The following LRP1B variants were observed in gnomAD, a reference collection of about 807,000 sequenced individuals.
LRP1B encodes the protein low-density lipoprotein receptor-related protein 1B.
A neutral mutation model predicts 556.6 loss-of-function variants in LRP1B; 217 were observed. The ratio of observed to expected loss-of-function variants is 0.39; its 90% CI spans 0.35 to 0.44. LRP1B has a LOEUF of 0.44. LRP1B is among the 20% of genes least tolerant of loss of function. The pLI is 1.00. For synonymous variants in LRP1B, 2,047 were observed against 1,865.8 expected (o/e 1.10, Z -2.50); for missense variants, 5,053 against 5,620.8 (o/e 0.90, Z 3.23).
chr2:141,352,421 A>T (rs1161861946), intron 3 of LRP1B, among the ~76,000 whole-genome samples: 1 of 151,874 alleles, frequency 6.6e-6, no homozygotes, highest in Non-Finnish European at 1.5e-5. Context: ...TTTATAAAAA[A>T]GTTGCAATGA....
At chr2:141,669,539 G>A (rs961427818) in intron 2 of LRP1B, among the ~76,000 whole-genome samples, 8 of 151,880 alleles carry the variant, frequency 5.3e-5, no homozygotes, top group Admixed American at 2.0e-4. Context: ...TTTGGTCTTC[G>A]GTGCACTCTA....
intron 1 of LRP1B, among the ~76,000 whole-genome samples, chr2:141,811,521 A>T (rs541360744): frequency 1.3e-5 from 2 of 151,930 alleles, no homozygotes; most frequent in East Asian, 1.9e-4. Context: ...CTCTCCCTCA[A>T]CTTCCCTCCG....
intron 41 of LRP1B, among the ~76,000 whole-genome samples, chr2:140,624,869 A>C (rs1683598655): frequency 6.6e-6 from 1 of 152,196 alleles, no homozygotes; most frequent in Non-Finnish European, 1.5e-5. Flanking sequence ...TTAGGAGGTG[A>C]TCTGAAAGAC....
At chr2:140,621,159 A>C (rs564752278) in intron 41 of LRP1B, among the ~76,000 whole-genome samples, 1 of 151,896 alleles carries the variant, frequency 6.6e-6, no homozygotes, top group East Asian at 1.9e-4. Flanking sequence ...AGGCAGGTGG[A>C]TCATGAGGTC....
chr2:141,907,586 C>T (rs756341616), intron 1 of LRP1B, among the ~76,000 whole-genome samples: 1 of 151,852 alleles, frequency 6.6e-6, no homozygotes, highest in African/African-American at 2.4e-5. Flanking sequence ...TTGGCACGAC[C>T]TTTAATGTCA....
intron 55 of LRP1B, among the ~76,000 whole-genome samples, chr2:140,499,998 A>T (rs1689110575): frequency 6.6e-6 from 1 of 151,952 alleles, no homozygotes; most frequent in Non-Finnish European, 1.5e-5. Flanking sequence ...GATCAATAAC[A>T]TTTCTTTTCT....
chr2:140,666,287 T>C (rs1450824480), intron 41 of LRP1B, among the ~76,000 whole-genome samples: 3 of 127,216 alleles, frequency 2.4e-5, no homozygotes, highest in Non-Finnish European at 4.9e-5. Context: ...TTTTTTAATA[T>C]GATCCATTTA....
At chr2:141,263,208 A>G (rs1473635798) in intron 3 of LRP1B, among the ~76,000 whole-genome samples, 1 of 152,058 alleles carries the variant, frequency 6.6e-6, no homozygotes, top group African/African-American at 2.4e-5. Context: ...TGATGAATTT[A>G]TATATATTGA....
At chr2:140,452,800 A>G (rs1686935573) in intron 62 of LRP1B, among the ~76,000 whole-genome samples, 1 of 152,018 alleles carries the variant, frequency 6.6e-6, no homozygotes, top group Non-Finnish European at 1.5e-5. Context: ...GGGTGAATTC[A>G]TGATAGATTT....
chr2:141,091,929 C>T (rs1700181104), intron 7 of LRP1B, among the ~76,000 whole-genome samples: 1 of 152,142 alleles, frequency 6.6e-6, no homozygotes, highest in East Asian at 1.9e-4. Flanking sequence ...ACTATGACTG[C>T]TGCCACTCAC....
At chr2:140,274,376 C>T (rs2104951483) in intron 85 of LRP1B, 48 bp downstream of exon 85, 1 of 1,495,152 alleles carries the variant, frequency 6.7e-7, no homozygotes, top group Non-Finnish European at 9.3e-7. Flanking sequence ...ACTGCAATGT[C>T]CATTGGTGTC....
At chr2:140,725,628 T>G (rs967831590) in intron 35 of LRP1B, among the ~76,000 whole-genome samples, 4 of 151,778 alleles carry the variant, frequency 2.6e-5, no homozygotes, top group African/African-American at 9.7e-5. Flanking sequence ...GACATATGTA[T>G]ACATATGTAA....
At chr2:141,871,989 G>A (rs892661108) in intron 1 of LRP1B, among the ~76,000 whole-genome samples, 4 of 152,016 alleles carry the variant, frequency 2.6e-5, no homozygotes, top group South Asian at 2.1e-4. Context: ...GAGAAGAGGC[G>A]ATGAGAACCT....
chr2:140,804,647 T>C (rs991336889), intron 32 of LRP1B, among the ~76,000 whole-genome samples: 101 of 68,844 alleles, frequency 1.5e-3, no homozygotes, highest in African/African-American at 3.4e-3. Context: ...AGGTAAAAAC[T>C]AATTTTTTTT....
intron 49 of LRP1B, among the ~76,000 whole-genome samples, chr2:140,523,230 C>T (rs1161352133): frequency 2.0e-5 from 3 of 152,024 alleles, no homozygotes; most frequent in Non-Finnish European, 2.9e-5. Context: ...GATTCCAGGT[C>T]GGTGCAACAT....
chr2:141,831,589 T>C, intron 1 of LRP1B, among the ~76,000 whole-genome samples: 1 of 151,644 alleles, frequency 6.6e-6, no homozygotes, highest in South Asian at 2.1e-4. Context: ...ACTCATTAAG[T>C]TTTGGAATAA....
chr2:140,627,338 G>A (rs1269183825), intron 41 of LRP1B, among the ~76,000 whole-genome samples: 1 of 152,158 alleles, frequency 6.6e-6, no homozygotes, highest in East Asian at 1.9e-4. Flanking sequence ...CCAGCATGGA[G>A]AGGATAAAAG....
At chr2:141,083,496 G>A (rs1009229198) in intron 7 of LRP1B, among the ~76,000 whole-genome samples, 3 of 152,136 alleles carry the variant, frequency 2.0e-5, no homozygotes, top group African/African-American at 7.2e-5. Context: ...AAATTTACGG[G>A]CTTAAGGCAA....
rs566635162 is a variant in LRP1B at position 140,385,686 on chromosome 2, C to T, written c.10531+207G>A. Among the ~76,000 whole-genome samples, 9 of 152,270 alleles carry T rather than the reference C, an allele frequency of 5.9e-5. No individual in the cohort carries two copies. In the East Asian group the frequency reaches 1.5e-3, roughly 26 times the overall value. Reference sequence around the variant, plus strand: ...TTCATACCAGTTGTGAGAACTGTAACAAAATAACTCTTAGGATAAGCATTT... The same window carrying T: ...TTCATACCAGTTGTGAGAACTGTAATAAAATAACTCTTAGGATAAGCATTT... On this transcript the variant is annotated intron_variant, in intron 67 of 90. Transcript: ENST00000389484.
Sources: gnomAD v4.1 joint callset for allele counts (sites outside exome capture counted in the v4.1 genomes callset) on GRCh38, gnomAD v4.1.1 for gene constraint, MANE v1.5 for transcripts, NCBI Gene and HGNC (gene_info 2026-07-23, HGNC 2026-07-21) for gene names.